ENOX1: variants seen among roughly 807,000 people sequenced by gnomAD.
ENOX1 encodes ecto-NOX disulfide-thiol exchanger 1, also known as candidate growth-related and time keeping constitutive hydroquinone (NADH) oxidase.
A neutral mutation model predicts 82.5 loss-of-function variants in ENOX1; 42 were observed. The ratio of observed to expected loss-of-function variants is 0.51; its 90% CI spans 0.40 to 0.66. The LOEUF (loss-of-function observed/expected upper bound fraction) is 0.66, where lower values mean the gene tolerates loss of function less well. Among genes scored for constraint, ENOX1 ranks in the 30% least tolerant of loss-of-function variants. The pLI is 0.00. For missense variants in ENOX1, 608 were observed against 811.6 expected (o/e 0.75, Z 3.05); for synonymous variants, 271 against 282.2 (o/e 0.96, Z 0.40).
At chr13:43,631,973 A>C (rs910822556) in intron 2 of ENOX1, among the ~76,000 whole-genome samples, 7 of 152,186 alleles carry the variant, frequency 4.6e-5, no homozygotes, top group South Asian at 2.1e-4. Context: ...TACACAAAAG[A>C]AGCATTCATC....
chr13:43,542,179 G>A (rs931830904), intron 2 of ENOX1, among the ~76,000 whole-genome samples: 90 of 152,002 alleles, frequency 5.9e-4, no homozygotes, highest in African/African-American at 1.8e-3. Context: ...TTGCTCTGTC[G>A]TTCTGGCTGG....
At chr13:43,251,543 G>C (rs1238693418) in intron 14 of ENOX1, among the ~76,000 whole-genome samples, 1 of 152,196 alleles carries the variant, frequency 6.6e-6, no homozygotes, top group Non-Finnish European at 1.5e-5. Context: ...GGTTGTTCAA[G>C]ATGGTTGGAA....
intron 15 of ENOX1, 68 bp downstream of exon 15, chr13:43,236,568 C>T: frequency 1.0e-6 from 1 of 962,862 alleles, no homozygotes; most frequent in Non-Finnish European, 1.5e-6. Flanking sequence ...AAGTTAATAA[C>T]TAAAATATTA....
At chr13:43,230,496 G>A (rs2153455809) in intron 15 of ENOX1, among the ~76,000 whole-genome samples, 1 of 152,204 alleles carries the variant, frequency 6.6e-6, no homozygotes, top group South Asian at 2.1e-4. Context: ...TGCACATGAT[G>A]CTCCACTTAC....
chr13:43,625,676 C>T (rs1409957211), intron 2 of ENOX1, among the ~76,000 whole-genome samples: 1 of 151,948 alleles, frequency 6.6e-6, no homozygotes, highest in Non-Finnish European at 1.5e-5. Context: ...ACCAGCATTG[C>T]ATCTACAAAA....
At chr13:43,637,535 G>T (rs2083460884) in intron 2 of ENOX1, among the ~76,000 whole-genome samples, 1 of 151,878 alleles carries the variant, frequency 6.6e-6, no homozygotes, top group South Asian at 2.1e-4. Context: ...GGGAGGCCAG[G>T]TCTCCTCTCT....
intron 1 of ENOX1, among the ~76,000 whole-genome samples, chr13:43,711,439 A>G (rs1347056154): frequency 1.3e-5 from 2 of 152,166 alleles, no homozygotes; most frequent in African/African-American, 4.8e-5. Context: ...TATACCCAGT[A>G]ATGGGATGGC....
rs541152987 is a variant in ENOX1, at chr13:43,317,220, G to A, written c.1261+5164C>T. On this transcript the variant is annotated intron_variant, in intron 11 of 16. Transcript: ENST00000690772. Reference sequence around the variant, plus strand: ...GCCAAGTTCTGAGCCAATCTCGGGTGAGCCTGCTTTCAGTTACATTCAGTG... The same window carrying A: ...GCCAAGTTCTGAGCCAATCTCGGGTAAGCCTGCTTTCAGTTACATTCAGTG... 4.6e-5 allele frequency among the ~76,000 whole-genome samples: 7 copies of A among 152,362 alleles called. No individual in the cohort carries two copies. In the East Asian group the frequency reaches 1.2e-3, roughly 25 times the overall value.
chr13:43,563,058 G>A (rs1040293453), intron 2 of ENOX1, among the ~76,000 whole-genome samples: 1 of 152,028 alleles, frequency 6.6e-6, no homozygotes, highest in South Asian at 2.1e-4. Flanking sequence ...ATTCCAGAAC[G>A]TTTTGTCCAA....
intron 2 of ENOX1, among the ~76,000 whole-genome samples, chr13:43,566,390 A>T (rs143224711): frequency 2.0e-5 from 3 of 152,178 alleles, no homozygotes; most frequent in Non-Finnish European, 4.4e-5. Flanking sequence ...TTTTAATGCA[A>T]CCCATCAATG....
At position 43,344,580 on chromosome 13, in the gene ENOX1, T is replaced by C. The variant is rs759593536; in HGVS notation, c.994A>G (p.Lys332Glu). 8.1e-6 allele frequency: 13 copies of C among 1,614,232 alleles called. No individual in the cohort carries two copies. The highest frequency in any genetic ancestry group is 6.7e-5 in the Admixed American group (4 of 60,032). ...ATHEQEMEEA[K>E]ENFKNALTGI... Reference sequence around the variant, plus strand: ...GTTAAGGCATTTTTAAAATTCTCCTTGGCTTCCTCCATCTCTTGCTCATGG... The same window carrying C: ...GTTAAGGCATTTTTAAAATTCTCCTCGGCTTCCTCCATCTCTTGCTCATGG... Residue 332 changes from lysine to glutamate, a missense_variant, in exon 9 of 17, where the codon AAG becomes GAG. Lys to Glu is a moderately conservative substitution (Grantham distance 56, BLOSUM62 1). Coordinates refer to ENST00000690772, the MANE Select transcript of ENOX1 (RefSeq NM_001347969.2).
chr13:43,282,820 C>G (rs930125604), intron 12 of ENOX1, among the ~76,000 whole-genome samples: 2 of 149,250 alleles, frequency 1.3e-5, no homozygotes, highest in Non-Finnish European at 3.0e-5. Context: ...TGGCCAGGCG[C>G]GGTGGCTTAT....
At chr13:43,771,933 A>ATTTTTTTTTTTTTTTT (rs34718451) in intron 1 of ENOX1, among the ~76,000 whole-genome samples, 10 of 101,002 alleles carry the variant, frequency 9.9e-5, no homozygotes, top group Non-Finnish European at 1.1e-4. Context: ...CGCCCGGCTA[A>ATTTTTTTTTTTTTTTT]TTTTTTTTTT....
chr13:43,612,322 T>C (rs998113732), intron 2 of ENOX1, among the ~76,000 whole-genome samples: 1 of 152,168 alleles, frequency 6.6e-6, no homozygotes, highest in Non-Finnish European at 1.5e-5. Flanking sequence ...AAAATACAGA[T>C]GCCCCCTGTA....
chr13:43,676,374 CTT>C (rs2085507893), intron 1 of ENOX1, among the ~76,000 whole-genome samples: 1 of 152,170 alleles, frequency 6.6e-6, no homozygotes, highest in East Asian at 1.9e-4. Context: ...AGCCTGGACA[CTT>C]TGTTTAGTCT....
At chr13:43,502,240 T>G (rs989195944) in intron 2 of ENOX1, among the ~76,000 whole-genome samples, 9 of 151,582 alleles carry the variant, frequency 5.9e-5, no homozygotes, top group Non-Finnish European at 1.3e-4. Context: ...AAAAACCACC[T>G]ACTAAGTAAA....
intron 15 of ENOX1, among the ~76,000 whole-genome samples, chr13:43,228,223 C>T (rs940474551): frequency 6.7e-6 from 1 of 148,862 alleles, no homozygotes; most frequent in African/African-American, 2.5e-5. Context: ...ATTTTATGGT[C>T]CTCTGGAATA....
At position 43,552,841 on chromosome 13, in the gene ENOX1, T is replaced by C. The variant is rs147640756; in HGVS notation, c.-218-68689A>G. On this transcript the variant is annotated intron_variant, in intron 2 of 16. Coordinates refer to ENST00000690772, the MANE Select transcript of ENOX1 (RefSeq NM_001347969.2). ...ACAAATGATTGCTTATCCAAGCAAA[T>C]AGCATATCATTTTCTGTTAAAGTGA... Among the ~76,000 whole-genome samples, 387 of 152,304 alleles carry C rather than the reference T, an allele frequency of 2.5e-3. 2 individuals are homozygous for C. Among genetic ancestry groups the C allele is most frequent in the Non-Finnish European group, 4.0e-3 (269 of 68,006 alleles).
chr13:43,600,075 A>G (rs1471098990), intron 2 of ENOX1, among the ~76,000 whole-genome samples: 1 of 152,092 alleles, frequency 6.6e-6, no homozygotes, highest in Non-Finnish European at 1.5e-5. Context: ...TGCTGGCTTC[A>G]GGTGTGACCC....
Sources: allele counts gnomAD v4.1 joint callset (sites outside exome capture counted in the v4.1 genomes callset), GRCh38; gene constraint gnomAD v4.1.1; transcripts MANE v1.5; gene names NCBI Gene and HGNC (gene_info 2026-07-23, HGNC 2026-07-21).